Variants in ZHX2 observed in about 807,000 individuals in gnomAD.
ZHX2 encodes the protein zinc fingers and homeoboxes protein 2.
ZHX2 carries 6 observed loss-of-function variants against 21.9 expected under a neutral mutation model. That is an observed-to-expected ratio of 0.27 (90% CI 0.15 to 0.54). The LOEUF (loss-of-function observed/expected upper bound fraction) is 0.54, where lower values mean the gene tolerates loss of function less well. Ranked by LOEUF, ZHX2 falls within the 20% of genes least tolerant of loss-of-function variation. The probability of loss-of-function intolerance (pLI) is 0.95; values close to 1 mark genes in which losing one functional copy is unlikely to be tolerated. For synonymous variants in ZHX2, 434 were observed against 437.1 expected, an observed-to-expected ratio of 0.99 and a Z score of 0.09; for missense variants, 908 against 1,090.7, an observed-to-expected ratio of 0.83 and a Z score of 2.36.
At chr8:122,882,752 T>G (rs1819742779) in intron 2 of ZHX2, among the ~76,000 whole-genome samples, 1 of 152,076 alleles carries the variant, frequency 6.6e-6, no homozygotes, top group South Asian at 2.1e-4. Flanking sequence ...GAGGCTGAGG[T>G]GGGAGGATCA....
intron 2 of ZHX2, among the ~76,000 whole-genome samples, chr8:122,872,550 A>G (rs1351275750): frequency 6.6e-6 from 1 of 152,218 alleles, no homozygotes; most frequent in Non-Finnish European, 1.5e-5. Flanking sequence ...TCTATAGTCC[A>G]GCTAAAACTT....
chr8:122,811,859 C>G (rs1200273956), intron 1 of ZHX2: 1 of 152,226 alleles, frequency 6.6e-6, no homozygotes, highest in African/African-American at 2.4e-5. Flanking sequence ...TATCAGTGCT[C>G]TTCATGCATT....
At chr8:122,860,120 C>T (rs1196741632) in intron 1 of ZHX2, among the ~76,000 whole-genome samples, 2 of 152,154 alleles carry the variant, frequency 1.3e-5, no homozygotes, top group African/African-American at 4.8e-5. Context: ...AGCAAGGCAC[C>T]TTCTTCACAA....
chr8:122,925,676 G>C lies in ZHX2; in HGVS notation c.-219-25616G>C, dbSNP rs1458241254. On this transcript the variant is annotated intron_variant, in intron 2 of 3. Coordinates refer to ENST00000314393, the MANE Select transcript of ZHX2 (RefSeq NM_014943.5). Reference sequence around the variant, plus strand: ...CTGGTTCAGGCAGAGAGAACAGCTCGAGCAAAGCCTAGAGGTGGAGGAGGG... The same window carrying C: ...CTGGTTCAGGCAGAGAGAACAGCTCCAGCAAAGCCTAGAGGTGGAGGAGGG... 2.6e-5 allele frequency among the ~76,000 whole-genome samples: 4 copies of C among 152,158 alleles called. No individual in the cohort carries two copies. The East Asian group carries it at 5.8e-4, about 22-fold the overall frequency.
intron 2 of ZHX2, among the ~76,000 whole-genome samples, chr8:122,869,327 T>TG (rs993012512): frequency 3.3e-5 from 5 of 150,114 alleles, no homozygotes; most frequent in African/African-American, 7.3e-5. Flanking sequence ...CCTTTTTTGT[T>TG]TTTTTTTTTT....
intron 1 of ZHX2, among the ~76,000 whole-genome samples, chr8:122,789,710 G>T (rs974554163): frequency 6.6e-6 from 1 of 152,214 alleles, no homozygotes; most frequent in Admixed American, 6.5e-5. Context: ...ACTGCCCTCT[G>T]GCCAAGACAT....
intron 3 of ZHX2, among the ~76,000 whole-genome samples, chr8:122,971,288 CTT>C (rs11409501): frequency 4.4e-5 from 6 of 136,812 alleles, no homozygotes; most frequent in East Asian, 2.1e-4. Context: ...CCTGAGCTTC[CTT>C]TTTTTTTTTT....
At chr8:122,949,279 C>T (rs150250324) in intron 2 of ZHX2, among the ~76,000 whole-genome samples, 13 of 152,040 alleles carry the variant, frequency 8.6e-5, no homozygotes, top group African/African-American at 1.4e-4. Flanking sequence ...GCCAAGACCG[C>T]GCCGTTATAC....
At chr8:122,800,483 G>A (rs531050017) in intron 1 of ZHX2, among the ~76,000 whole-genome samples, 1 of 152,336 alleles carries the variant, frequency 6.6e-6, no homozygotes, top group East Asian at 1.9e-4. Flanking sequence ...TGGAGCCCCC[G>A]AGCTGTAGCG....
chr8:122,954,734 C>T (rs1813250426), intron 3 of ZHX2, among the ~76,000 whole-genome samples: 1 of 152,172 alleles, frequency 6.6e-6, no homozygotes, highest in African/African-American at 2.4e-5. Context: ...TGGGCTCCAG[C>T]CTTCAGGCCT....
rs1813120233 is a variant in ZHX2, at chr8:122,951,791, C to T, written c.281C>T (p.Thr94Met). ...TCCACGCAAAACCTGAACGAGTTCACGGAGCATGTCGACATGCAGCATCCC... is the reference window on the plus strand; with the variant it reads ...TCCACGCAAAACCTGAACGAGTTCATGGAGCATGTCGACATGCAGCATCCC... ...PYSTQNLNEF[T>M]EHVDMQHPNV... Residue 94 changes from threonine (T) to methionine (M), a missense_variant, in exon 3 of 4, where the codon ACG becomes ATG. Transcript: ENST00000314393. The T allele has an allele frequency of 2.5e-6, 4 of 1,614,114 alleles. No individual in the cohort carries two copies. Among genetic ancestry groups the T allele is most frequent in the Non-Finnish European group, 3.4e-6 (4 of 1,180,018 alleles).
intron 1 of ZHX2, among the ~76,000 whole-genome samples, chr8:122,829,616 CAT>C (rs1267195398): frequency 6.6e-6 from 1 of 152,190 alleles, no homozygotes; most frequent in Non-Finnish European, 1.5e-5. Flanking sequence ...AGGAACCACA[CAT>C]GAAAGATTGG....
rs9792161 is a variant in ZHX2 at position 122,928,060 on chromosome 8, C to T, written c.-219-23232C>T. Among the ~76,000 whole-genome samples the T allele has an allele frequency of 2.2e-4, 34 of 152,010 alleles. No individual in the cohort carries two copies. The South Asian group carries it at 2.7e-3, about 12-fold the overall frequency. Reference sequence around the variant, plus strand: ...ACTACCCCTAAAATTGGCCCTAGGACGCTTGCACTATCAGTACTTCTGTTT... The same window carrying T: ...ACTACCCCTAAAATTGGCCCTAGGATGCTTGCACTATCAGTACTTCTGTTT... On this transcript the variant is annotated intron_variant, in intron 2 of 3. Transcript: ENST00000314393.
chr8:122,845,575 A>G (rs1390313518), intron 1 of ZHX2, among the ~76,000 whole-genome samples: 2 of 152,242 alleles, frequency 1.3e-5, no homozygotes, highest in African/African-American at 4.8e-5. Context: ...AAAATTACAA[A>G]CAATAAGATG....
intron 1 of ZHX2, among the ~76,000 whole-genome samples, chr8:122,820,612 C>G (rs998566379): frequency 6.6e-6 from 1 of 152,056 alleles, no homozygotes; most frequent in Admixed American, 6.5e-5. Flanking sequence ...GGGATTGATA[C>G]GGAGAATAGT....
rs111254282 is a variant in ZHX2, at chr8:122,892,743, G to A, written c.-220+29204G>A. On this transcript the variant is annotated intron_variant, in intron 2 of 3. Coordinates refer to ENST00000314393, the MANE Select transcript of ZHX2 (RefSeq NM_014943.5). Reference sequence around the variant, plus strand: ...ACTGTCGCCTGGGCTGGAGTGCAAAGGCACAATCTTGGCTCACTGCAACCT... The same window carrying A: ...ACTGTCGCCTGGGCTGGAGTGCAAAAGCACAATCTTGGCTCACTGCAACCT... Among the ~76,000 whole-genome samples, 4 of 152,260 alleles carry A rather than the reference G, an allele frequency of 2.6e-5. 1 individual carries two copies. Among genetic ancestry groups the A allele is most frequent in the African/African-American group, 7.2e-5 (3 of 41,542 alleles).
intron 2 of ZHX2, among the ~76,000 whole-genome samples, chr8:122,888,219 C>T (rs1045838402): frequency 3.9e-5 from 6 of 152,076 alleles, no homozygotes; most frequent in Non-Finnish European, 7.4e-5. Context: ...GTTCAGAGTC[C>T]AGAAACACAG....
intron 2 of ZHX2, among the ~76,000 whole-genome samples, chr8:122,880,586 G>A (rs1586355747): frequency 6.6e-6 from 1 of 151,794 alleles, no homozygotes; most frequent in Non-Finnish European, 1.5e-5. Flanking sequence ...ACCAGCCTGG[G>A]CAACATGGTG....
intron 2 of ZHX2, among the ~76,000 whole-genome samples, chr8:122,925,332 T>C (rs1421263584): frequency 8.5e-5 from 13 of 152,184 alleles, no homozygotes; most frequent in Admixed American, 8.5e-4. Context: ...TGGTGTGTGA[T>C]TGATCTTCCG....
Sources: gnomAD v4.1 joint callset for allele counts (sites outside exome capture counted in the v4.1 genomes callset) on GRCh38, gnomAD v4.1.1 for gene constraint, MANE v1.5 for transcripts, NCBI Gene and HGNC (gene_info 2026-07-23, HGNC 2026-07-21) for gene names.